TMEM255B: variants seen among roughly 807,000 people sequenced by gnomAD.
TMEM255B encodes the protein transmembrane protein 255B, also known as family with sequence similarity 70, member B.
In TMEM255B, 35 loss-of-function variants were observed where a neutral mutation model predicts 34.5. The ratio of observed to expected loss-of-function variants is 1.01; its 90% CI spans 0.77 to 1.34. TMEM255B has a LOEUF of 1.34. TMEM255B is among the 40% of genes most tolerant of loss of function. The pLI is 0.00. For synonymous variants in TMEM255B, 206 were observed against 201.2 expected (o/e 1.02, Z -0.20); for missense variants, 432 against 433.2 (o/e 1.00, Z 0.02).
In TMEM255B at chr13:113,800,880, C is replaced by G; in HGVS notation, c.477C>G (p.Thr159=). Residue 159 remains threonine, a synonymous_variant, in exon 6 of 9, where the codon ACC becomes ACG. Coordinates refer to ENST00000375353, the MANE Select transcript of TMEM255B (RefSeq NM_182614.4). ...GKCQLKVRSN[T]CYCCDLYACG... is the part of the protein sequence containing the mutation. The stretch of plus-strand genomic sequence containing the variant: ...GCCAGCTGAAGGTGAGAAGCAACAC[C>G]TGTTACTGCTGTGACCTCTATGCCT... The G allele has an allele frequency of 1.2e-6, 2 of 1,610,866 alleles. No homozygotes were observed. The highest frequency in any genetic ancestry group is 1.7e-6 in the Non-Finnish European group (2 of 1,179,036).
Position 113,769,509 on chromosome 13 carries a change from G to A in TMEM255B, c.252+349G>A, listed in dbSNP as rs929245668. ...GTGTGTAAAGTTCAGGCAAAAACAT[G>A]TGCATAAGCCTCTCTTCCTTTTGAA... On this transcript the variant is annotated intron_variant, in intron 3 of 8. Transcript: ENST00000375353. The surrounding 1 kb of genome is among the most constrained non-coding windows in gnomAD (Gnocchi z 4.2). The A allele has an allele frequency of 8.0e-6, 2 of 249,420 alleles. No homozygotes were observed. The highest frequency in any genetic ancestry group is 4.3e-5 in the African/African-American group (2 of 46,150). 15.5% of individuals were successfully genotyped at this position (249,420 alleles called of 1,614,324 possible).
chr13:113,777,462 C>T (rs1220321534), intron 3 of TMEM255B, among the ~76,000 whole-genome samples: 2 of 152,204 alleles, frequency 1.3e-5, no homozygotes, highest in African/African-American at 2.4e-5. Flanking sequence ...CAGCTCTACC[C>T]GCTGACTGTG....
rs1027367280 is a variant in TMEM255B, at chr13:113,782,869, G to A, written c.253-12279G>A. On this transcript the variant is annotated intron_variant, in intron 3 of 8. Coordinates refer to ENST00000375353, the MANE Select transcript of TMEM255B (RefSeq NM_182614.4). ...CCCAGAGGTGGGGGACTTTTCTTTC[G>A]GGTTATCAGGAGGCTTTTTGTGGAG... is the stretch of plus-strand genomic sequence containing the variant. Among the ~76,000 whole-genome samples the A allele has an allele frequency of 7.2e-5, 11 of 152,176 alleles. No homozygotes were observed. In the East Asian group the frequency reaches 7.7e-4, roughly 11 times the overall value.
intron 5 of TMEM255B, chr13:113,799,635 C>T (rs2051005934): frequency 3.1e-6 from 2 of 635,320 alleles, no homozygotes; most frequent in Non-Finnish European, 2.9e-6. Context: ...TCTGGACTTG[C>T]TTCATTAAAT....
intron 3 of TMEM255B, among the ~76,000 whole-genome samples, chr13:113,793,989 C>T (rs1027386955): frequency 6.6e-5 from 10 of 152,214 alleles, no homozygotes; most frequent in African/African-American, 9.6e-5. Context: ...GCGAATCCAG[C>T]GGGTAGCGTT....
In TMEM255B at chr13:113,769,157, A is replaced by G; in HGVS notation, c.249A>G (p.Gln83=). The G allele has an allele frequency of 6.2e-7, 1 of 1,614,176 alleles. No homozygotes were observed. The highest frequency in any genetic ancestry group is 8.5e-7 in the Non-Finnish European group (1 of 1,179,980). ...IGINLVENRR[Q]MLVAAIVFIS... ...TCAACTTGGTGGAGAATAGAAGGCA[A>G]ATGGTAAGAAAGTACATGGGGTGGT... The change falls in exon 3 of 9, where the codon CAA becomes CAG. Residue 83 remains glutamine, a synonymous_variant. Transcript: ENST00000375353. The surrounding 1 kb of genome is among the most constrained non-coding windows in gnomAD (Gnocchi z 4.2).
chr13:113,780,521 A>T (rs1009490903), intron 3 of TMEM255B, among the ~76,000 whole-genome samples: 2 of 152,224 alleles, frequency 1.3e-5, no homozygotes, highest in African/African-American at 4.8e-5. Context: ...TTGACTCTGA[A>T]AAGCAAAACA....
intron 3 of TMEM255B, among the ~76,000 whole-genome samples, chr13:113,778,661 C>T (rs1365738135): frequency 6.6e-6 from 1 of 151,842 alleles, no homozygotes; most frequent in Non-Finnish European, 1.5e-5. Context: ...GGTACTGTGG[C>T]GTCTTCTCCT....
chr13:113,812,978 C>CAGGTCCCAGGT lies in TMEM255B; in HGVS notation c.*1075_*1076insAGGTCCCAGGT. ...TGGGTCACGGGCCCCGGGTGGGTCA[C>CAGGTCCCAGGT]GGGTCCCGGGTGGGTCACGGGTCCC... On this transcript the variant is annotated 3_prime_UTR_variant, in exon 9 of 9. Transcript: ENST00000375353. 2 of 132,306 alleles carry CAGGTCCCAGGT rather than the reference C, an allele frequency of 1.5e-5. No individual in the cohort carries two copies. The highest frequency in any genetic ancestry group is 2.0e-4 in the East Asian group (1 of 4,920). The allele number at this position is 132,306 out of a possible 1,614,324, so 8.2% of individuals were successfully genotyped here.
At chr13:113,795,342 C>G in intron 4 of TMEM255B, 105 bp downstream of exon 4, 1 of 1,205,042 alleles carries the variant, frequency 8.3e-7, no homozygotes, top group South Asian at 1.4e-5. Context: ...ACGGCTTCAC[C>G]GTCAGTCTCC....
chr13:113,793,145 G>A (rs1469499567), intron 3 of TMEM255B, among the ~76,000 whole-genome samples: 1 of 152,224 alleles, frequency 6.6e-6, no homozygotes, highest in Admixed American at 6.5e-5. Flanking sequence ...GAGGGTAAGG[G>A]CTCCGGTCCA....
At chr13:113,768,531 C>G (rs2050427853) in intron 2 of TMEM255B, among the ~76,000 whole-genome samples, 1 of 152,074 alleles carries the variant, frequency 6.6e-6, no homozygotes, top group Admixed American at 6.5e-5. Flanking sequence ...GTGCCTGGCC[C>G]AGGTGCCCCC....
In TMEM255B at chr13:113,812,095, C is replaced by A; in HGVS notation, c.*192C>A. 1 of 698,114 alleles carries A rather than the reference C, an allele frequency of 1.4e-6. No individual in the cohort carries two copies. Among genetic ancestry groups the A allele is most frequent in the Non-Finnish European group, 2.3e-6 (1 of 432,656 alleles). 43.2% of individuals were successfully genotyped at this position (698,114 alleles called of 1,614,324 possible). ...AGGCAGGGAGTGGGGCCCTCCAGAC[C>A]CAGGCTGGTGACACCTTGGCTTGGG... On this transcript the variant is annotated 3_prime_UTR_variant, in exon 9 of 9. Transcript: ENST00000375353.
intron 3 of TMEM255B, among the ~76,000 whole-genome samples, chr13:113,777,175 G>A (rs2050592806): frequency 1.3e-5 from 2 of 152,094 alleles, no homozygotes; most frequent in Non-Finnish European, 1.5e-5. Flanking sequence ...CCACTCCGCA[G>A]GGAGTTACAT....
At chr13:113,778,182 T>TAA (rs2050610329) in intron 3 of TMEM255B, among the ~76,000 whole-genome samples, 1 of 152,146 alleles carries the variant, frequency 6.6e-6, no homozygotes, top group African/African-American at 2.4e-5. Flanking sequence ...CCCTGCAGTA[T>TAA]AAAAAGCCGG....
At chr13:113,808,773 G>A (rs1471456784) in intron 8 of TMEM255B, among the ~76,000 whole-genome samples, 4 of 105,400 alleles carry the variant, frequency 3.8e-5, no homozygotes, top group Admixed American at 1.2e-4. Flanking sequence ...GGTTTCTGGC[G>A]GTGTAACTCT....
chr13:113,768,159 C>G (rs1472915774), intron 2 of TMEM255B: 3 of 468,836 alleles, frequency 6.4e-6, no homozygotes, highest in African/African-American at 6.0e-5. Context: ...CAGACACTCA[C>G]TGGGAAGTGC....
chr13:113,792,380 G>A (rs931230104), intron 3 of TMEM255B, among the ~76,000 whole-genome samples: 2 of 152,262 alleles, frequency 1.3e-5, no homozygotes, highest in Non-Finnish European at 2.9e-5. Context: ...GGTGGCTGCA[G>A]CTCACCCCTA....
At chr13:113,799,295 G>A (rs753916940) in intron 4 of TMEM255B, 44 bp from the exon 5 acceptor site, 2 of 1,599,874 alleles carry the variant, frequency 1.3e-6, no homozygotes, top group Admixed American at 1.7e-5. Context: ...TCTCCCGCCT[G>A]GAGGCACCTG....
Sources: gnomAD v4.1 joint callset for allele counts (sites outside exome capture counted in the v4.1 genomes callset) on GRCh38, gnomAD v4.1.1 for gene constraint, Gnocchi (gnomAD v3.1) non-coding constraint, MANE v1.5 for transcripts, NCBI Gene and HGNC (gene_info 2026-07-23, HGNC 2026-07-21) for gene names.